The following WLS variants were observed in gnomAD, a reference collection of about 807,000 sequenced individuals.
WLS encodes Wnt ligand secretion mediator.
WLS carries 23 observed loss-of-function variants against 62.8 expected under a neutral mutation model. The observed-to-expected ratio is 0.37, with a 90% CI of 0.26 to 0.52. WLS has a LOEUF of 0.52. Among genes scored for constraint, WLS ranks in the 20% least tolerant of loss-of-function variants. The pLI is 0.92. For synonymous variants in WLS, 246 were observed against 244.1 expected (o/e 1.01, Z -0.07); for missense variants, 615 against 697.3 (o/e 0.88, Z 1.33).
chr1:68,106,544 C>A (rs934601086), intron 11 of WLS, among the ~76,000 whole-genome samples: 9 of 152,310 alleles, frequency 5.9e-5, no homozygotes, highest in Admixed American at 5.2e-4. Flanking sequence ...GCAAAACAAT[C>A]AAAATTCCAT....
At chr1:68,137,740 T>C (rs1330593138) in intron 11 of WLS, 40 bp downstream of exon 11, 1 of 1,588,748 alleles carries the variant, frequency 6.3e-7, no homozygotes, top group Non-Finnish European at 8.6e-7. Context: ...AGAAGCCTAT[T>C]TATCCTGACT....
intron 2 of WLS, among the ~76,000 whole-genome samples, chr1:68,182,940 G>T (rs1179302797): frequency 2.0e-5 from 3 of 152,262 alleles, no homozygotes; most frequent in South Asian, 4.2e-4. Context: ...TTGCTCTGTT[G>T]CCCAGGCTGG....
chr1:68,133,832 A>T (rs1035130234), intron 11 of WLS, among the ~76,000 whole-genome samples: 9 of 151,944 alleles, frequency 5.9e-5, no homozygotes, highest in Non-Finnish European at 8.8e-5. Flanking sequence ...ATACCAAACA[A>T]CCTCCATCAA....
chr1:68,170,927 A>T (rs965493249), intron 2 of WLS, among the ~76,000 whole-genome samples: 1 of 152,182 alleles, frequency 6.6e-6, no homozygotes, highest in Non-Finnish European at 1.5e-5. Context: ...TATTTACCAA[A>T]TTAATGATTA....
At chr1:68,163,881 C>A (rs1292447425) in intron 2 of WLS, among the ~76,000 whole-genome samples, 1 of 152,146 alleles carries the variant, frequency 6.6e-6, no homozygotes, top group African/African-American at 2.4e-5. Context: ...GTTTACTAAA[C>A]CTGAACACAT....
intron 11 of WLS, among the ~76,000 whole-genome samples, chr1:68,118,757 C>A (rs1835459): frequency 0.28 from 41,630 of 151,130 alleles, 6,270 homozygotes; most frequent in Middle Eastern, 0.43. Flanking sequence ...TGCCTGTAAT[C>A]CCAGGCTACT....
chr1:68,168,678 G>C (rs1647099451), intron 2 of WLS, among the ~76,000 whole-genome samples: 1 of 152,176 alleles, frequency 6.6e-6, no homozygotes, highest in Admixed American at 6.5e-5. Context: ...AGGTTTCAAT[G>C]CTCGTGTGCA....
At position 68,194,110 on chromosome 1, in the gene WLS, C is replaced by G. The variant is rs762333679; in HGVS notation, c.224G>C (p.Arg75Pro). ...CCTTGGAATTGCCTCTTCAATGTCT[C>G]GGATCTTGTCACAATGATTGGGTCC... ...PWGPNHCDKI[R>P]DIEEAIPREI... Residue 75 changes from arginine to proline, a missense_variant, in exon 2 of 12, where the codon CGA becomes CCA. Coordinates refer to ENST00000262348, the MANE Select transcript of WLS (RefSeq NM_024911.7). 1.2e-5 allele frequency: 19 copies of G among 1,614,128 alleles called. No homozygotes were observed. In the South Asian group the frequency reaches 2.1e-4, roughly 18 times the overall value.
chr1:68,106,968 G>A (rs1480326109), intron 11 of WLS, among the ~76,000 whole-genome samples: 3 of 152,140 alleles, frequency 2.0e-5, no homozygotes, highest in Non-Finnish European at 2.9e-5. Context: ...GCATTTGAAC[G>A]TGTATATTCC....
intron 11 of WLS, among the ~76,000 whole-genome samples, chr1:68,129,883 G>A (rs1417175359): frequency 6.6e-6 from 1 of 152,142 alleles, no homozygotes; most frequent in South Asian, 2.1e-4. Context: ...AAAGAAAAAA[G>A]AAAAGAATGC....
intron 3 of WLS, among the ~76,000 whole-genome samples, chr1:68,156,057 G>A (rs1646893538): frequency 6.6e-6 from 1 of 152,156 alleles, no homozygotes; most frequent in Non-Finnish European, 1.5e-5. Flanking sequence ...TTGGACAGTA[G>A]GGAGACACCT....
chr1:68,191,213 C>T (rs1400304392), intron 2 of WLS, among the ~76,000 whole-genome samples: 4 of 152,100 alleles, frequency 2.6e-5, no homozygotes, highest in African/African-American at 7.2e-5. Flanking sequence ...AGGGATCTGT[C>T]TAGGAGAGAT....
intron 2 of WLS, among the ~76,000 whole-genome samples, chr1:68,180,569 T>A (rs541802874): frequency 2.0e-5 from 3 of 152,290 alleles, no homozygotes; most frequent in African/African-American, 7.2e-5. Context: ...TCCATATAAA[T>A]GCTAAACCAT....
chr1:68,200,575 T>A (rs1648955987), intron 1 of WLS, among the ~76,000 whole-genome samples: 1 of 151,824 alleles, frequency 6.6e-6, no homozygotes, highest in Non-Finnish European at 1.5e-5. Flanking sequence ...TGCTTTTTTT[T>A]TTTTTTTCCA....
chr1:68,213,969 C>T (rs552370861), intron 1 of WLS, among the ~76,000 whole-genome samples: 8 of 152,312 alleles, frequency 5.3e-5, no homozygotes, highest in South Asian at 4.1e-4. Flanking sequence ...CACTACTGCT[C>T]GGCTTGGGCA....
Position 68,153,541 on chromosome 1 carries a change from G to A in WLS, c.779C>T (p.Ser260Phe), listed in dbSNP as rs1646855559. 2 of 1,613,998 alleles carry A rather than the reference G, an allele frequency of 1.2e-6. No individual in the cohort carries two copies. The highest frequency in any genetic ancestry group is 1.3e-5 in the African/African-American group (1 of 74,898). ...VWYWRRITMM[S>F]RPPVLLEKVI... ...CTTTTCCAGAAGCACTGGGGGTCGG[G>A]ACATCATGGTGATCCTCCTCCAATA... The change falls in exon 5 of 12, where the codon TCC becomes TTC. Residue 260 changes from serine to phenylalanine, a missense_variant. Transcript: ENST00000262348.
At chr1:68,152,960 C>A (rs1005833332) in intron 5 of WLS, among the ~76,000 whole-genome samples, 1 of 152,040 alleles carries the variant, frequency 6.6e-6, no homozygotes. Context: ...ACGGAATATC[C>A]CGAAGAGCAA....
At chr1:68,098,631 C>G (rs1646038014) in exon 12 of WLS, 1 of 1,613,626 alleles carries the variant, frequency 6.2e-7, no homozygotes, top group Non-Finnish European at 8.5e-7. Context: ...GCCTTGTTGA[C>G]TCAAATACCA....
intron 3 of WLS, among the ~76,000 whole-genome samples, chr1:68,157,320 C>G (rs189133360): frequency 6.6e-6 from 1 of 152,290 alleles, no homozygotes; most frequent in Non-Finnish European, 1.5e-5. Context: ...ACATGGACAC[C>G]CTTGACACAA....
Sources: allele counts gnomAD v4.1 joint callset (sites outside exome capture counted in the v4.1 genomes callset), GRCh38; gene constraint gnomAD v4.1.1; transcripts MANE v1.5; gene names NCBI Gene and HGNC (gene_info 2026-07-23, HGNC 2026-07-21).